Variants in MYO1H observed in about 807,000 individuals in gnomAD.
MYO1H encodes the protein unconventional myosin-Ih.
Under a neutral mutation model 149.3 loss-of-function variants are expected in MYO1H, and 118 were observed. That is an observed-to-expected ratio of 0.79 (90% CI 0.68 to 0.92). The LOEUF is 0.92. Among genes scored for constraint, MYO1H ranks in the 40% least tolerant of loss-of-function variants. The probability of loss-of-function intolerance (pLI) is 0.00; values close to 1 mark genes in which losing one functional copy is unlikely to be tolerated. For missense variants in MYO1H, 1,212 were observed against 1,280.7 expected (o/e 0.95, Z 0.82); for synonymous variants, 447 against 465.2 (o/e 0.96, Z 0.50).
upstream of MYO1H, among the ~76,000 whole-genome samples, chr12:109,345,206 G>A (rs2048098922): frequency 6.6e-6 from 1 of 152,148 alleles, no homozygotes; most frequent in African/African-American, 2.4e-5. Context: ...CATATACAGT[G>A]TCAGATAAAG....
chr12:109,404,733 T>G (rs75956037), intron 7 of MYO1H, among the ~76,000 whole-genome samples: 3,838 of 152,274 alleles, frequency 0.025, 60 homozygotes, highest in Middle Eastern at 0.054. Context: ...AAGTCCAGTC[T>G]CAACAATTTA....
exon 9 of MYO1H, chr12:109,406,857 G>A: frequency 6.2e-7 from 1 of 1,613,770 alleles, no homozygotes; most frequent in Non-Finnish European, 8.5e-7. Flanking sequence ...CCAAAACTGA[G>A]GAGGTAAAAA....
In MYO1H at chr12:109,444,861, A is replaced by G. The variant is rs533463148; in HGVS notation, c.2993+332A>G. Among the ~76,000 whole-genome samples, 33 of 145,402 alleles carry G rather than the reference A, an allele frequency of 2.3e-4. 3 individuals carry two copies. Among genetic ancestry groups the G allele is most frequent in the African/African-American group, 6.3e-4 (25 of 39,988 alleles). On this transcript the variant is annotated intron_variant, in intron 30 of 31. Coordinates refer to ENST00000310903, the Ensembl canonical transcript of MYO1H. ...CCAGCCTGGGCAACAGAGATAGACA[A>G]TGTCTCAAAAAAAAAAAAAAATTAC...
intron 3 of MYO1H, among the ~76,000 whole-genome samples, chr12:109,395,424 A>G (rs1043678616): frequency 6.6e-6 from 1 of 152,194 alleles, no homozygotes; most frequent in African/African-American, 2.4e-5. Flanking sequence ...TTAAAAACAT[A>G]AATTTGGTGA....
At chr12:109,414,394 C>T (rs1812103) in intron 14 of MYO1H, among the ~76,000 whole-genome samples, 49,412 of 148,836 alleles carry the variant, frequency 0.33, 8,308 homozygotes, top group Admixed American at 0.41. Context: ...GGAGAATCGT[C>T]TGAACTCAGG....
intron 22 of MYO1H, among the ~76,000 whole-genome samples, chr12:109,437,539 T>A (rs770395124): frequency 2.2e-4 from 33 of 152,150 alleles, no homozygotes; most frequent in Non-Finnish European, 4.3e-4. Flanking sequence ...TCGCAGTAAC[T>A]CAAGTCTGCC....
At chr12:109,414,612 A>G (rs902578020) in intron 14 of MYO1H, among the ~76,000 whole-genome samples, 4 of 152,192 alleles carry the variant, frequency 2.6e-5, no homozygotes, top group African/African-American at 9.7e-5. Context: ...CATCACCTAG[A>G]AAAACAAAAG....
At chr12:109,406,336 C>CT (rs1870384071) in intron 8 of MYO1H, among the ~76,000 whole-genome samples, 1 of 151,976 alleles carries the variant, frequency 6.6e-6, no homozygotes. Context: ...CGCAATGGCT[C>CT]ATGCCTGTGA....
At chr12:109,410,091 C>A in intron 12 of MYO1H, 23 bp downstream of exon 12, 1 of 1,243,196 alleles carries the variant, frequency 8.0e-7, no homozygotes, top group Non-Finnish European at 1.1e-6. Context: ...ATGTTTTCTC[C>A]TCATCTGATT....
intron 14 of MYO1H, among the ~76,000 whole-genome samples, chr12:109,412,953 T>TTTGTTGTTGTTG (rs79763914): frequency 0.022 from 3,221 of 146,990 alleles, 118 homozygotes; most frequent in African/African-American, 0.076. Flanking sequence ...GCCCGGCTAA[T>TTTGTTGTTGTTG]TTGTTGTTGT....
the MYO1H span, among the ~76,000 whole-genome samples, chr12:109,341,884 G>A: frequency 6.6e-6 from 1 of 152,096 alleles, no homozygotes; most frequent in Non-Finnish European, 1.5e-5. Flanking sequence ...ACTGGTTACT[G>A]TAGAAAACAG....
chr12:109,382,951 A>C (rs1198884459), intron 1 of MYO1H, among the ~76,000 whole-genome samples: 1 of 150,760 alleles, frequency 6.6e-6, no homozygotes, highest in Non-Finnish European at 1.5e-5. Context: ...TGAAGTAAAA[A>C]ATAATACTGG....
chr12:109,324,333 T>G, the MYO1H span, among the ~76,000 whole-genome samples: 1 of 152,218 alleles, frequency 6.6e-6, no homozygotes, highest in Non-Finnish European at 1.5e-5. Flanking sequence ...TGCCACATTC[T>G]GTTGGTTACA....
chr12:109,411,923 T>C (rs1870694275), exon 14 of MYO1H: 2 of 1,607,324 alleles, frequency 1.2e-6, no homozygotes, highest in Non-Finnish European at 1.7e-6. Context: ...CTGGTCCTGC[T>C]ACAGACTTGA....
At chr12:109,364,505 T>C (rs141922843) in intron 1 of MYO1H, among the ~76,000 whole-genome samples, 5,029 of 152,156 alleles carry the variant, frequency 0.033, 118 homozygotes, top group Middle Eastern at 0.065. Context: ...TTGTATTTTT[T>C]GTAGAGATGG....
chr12:109,393,099 C>T (rs1044841454), intron 2 of MYO1H, among the ~76,000 whole-genome samples: 4 of 152,120 alleles, frequency 2.6e-5, no homozygotes, highest in South Asian at 2.1e-4. Context: ...TGATCCACCG[C>T]GCCCGGCCAT....
At chr12:109,403,415 CTA>C (rs1870246481) in intron 6 of MYO1H, among the ~76,000 whole-genome samples, 4 of 152,174 alleles carry the variant, frequency 2.6e-5, no homozygotes, top group African/African-American at 4.8e-5. Context: ...AAACATTTGT[CTA>C]GAATGTTTTC....
intron 19 of MYO1H, among the ~76,000 whole-genome samples, chr12:109,428,958 C>T (rs1871498009): frequency 6.6e-6 from 1 of 152,170 alleles, no homozygotes; most frequent in African/African-American, 2.4e-5. Flanking sequence ...CCTGTAATTC[C>T]AGCACTTGGG....
chr12:109,352,317 A>T (rs573645955), intron 1 of MYO1H, among the ~76,000 whole-genome samples: 1 of 152,318 alleles, frequency 6.6e-6, no homozygotes, highest in East Asian at 1.9e-4. Flanking sequence ...AGGCCCATGC[A>T]TCTTGCATTT....
Sources: allele counts gnomAD v4.1 joint callset (sites outside exome capture counted in the v4.1 genomes callset), GRCh38; gene constraint gnomAD v4.1.1; transcripts MANE v1.5; gene names NCBI Gene and HGNC (gene_info 2026-07-23, HGNC 2026-07-21).